Variants in TIAM1 observed in about 807,000 individuals in gnomAD.
The protein encoded by TIAM1 is TIAM Rac1 associated GEF 1, also known as rho guanine nucleotide exchange factor TIAM1.
A neutral mutation model predicts 163.5 loss-of-function variants in TIAM1; 65 were observed. The observed-to-expected ratio is 0.40, with a 90% CI of 0.33 to 0.49. The LOEUF is 0.49. Among genes scored for constraint, TIAM1 ranks in the 20% least tolerant of loss-of-function variants. TIAM1 has a pLI of 0.77. For synonymous variants in TIAM1, 833 were observed against 810.1 expected (o/e 1.03, Z -0.48); for missense variants, 1,789 against 2,044.7 (o/e 0.87, Z 2.41).
chr21:31,369,700 T>C (rs913832983), intron 2 of TIAM1, among the ~76,000 whole-genome samples: 8 of 152,054 alleles, frequency 5.3e-5, no homozygotes, highest in Non-Finnish European at 7.4e-5. Flanking sequence ...TTATTACATG[T>C]CAACTAAAAA....
In TIAM1 at chr21:31,339,274, T is replaced by C. The variant is rs927947944; in HGVS notation, c.-220A>G. On this transcript the variant is annotated 5_prime_UTR_variant, in exon 2 of 28. Transcript: ENST00000541036. ...GGAAACAGAAGAGGCTTTGTCAAGATCTCCAAATGGGCCATCTGCAGGGAC... is the reference window on the plus strand; with the variant it reads ...GGAAACAGAAGAGGCTTTGTCAAGACCTCCAAATGGGCCATCTGCAGGGAC... 3 of 398,414 alleles carry C rather than the reference T, an allele frequency of 7.5e-6. No homozygotes were observed. The highest frequency in any genetic ancestry group is 8.8e-6 in the Non-Finnish European group (2 of 226,054). 24.7% of individuals were successfully genotyped at this position (398,414 alleles called of 1,614,324 possible).
chr21:31,427,331 CA>C (rs1278904584), intron 2 of TIAM1, among the ~76,000 whole-genome samples: 1 of 151,734 alleles, frequency 6.6e-6, no homozygotes, highest in Admixed American at 6.6e-5. Flanking sequence ...CTAAAATATG[CA>C]AAAAATTGGC....
upstream of TIAM1, among the ~76,000 whole-genome samples, chr21:31,345,438 T>C (rs895119956): frequency 1.1e-4 from 16 of 150,462 alleles, no homozygotes; most frequent in African/African-American, 3.9e-4. Context: ...TATATGTATA[T>C]ATATCCATAT....
intron 1 of TIAM1, among the ~76,000 whole-genome samples, chr21:31,511,123 C>T (rs537360497): frequency 1.3e-5 from 2 of 152,272 alleles, no homozygotes; most frequent in East Asian, 1.9e-4. Context: ...GAACCAATGC[C>T]GCGGGCACCC....
intron 2 of TIAM1, among the ~76,000 whole-genome samples, chr21:31,462,918 T>C (rs935003380): frequency 3.3e-5 from 5 of 152,092 alleles, no homozygotes; most frequent in Non-Finnish European, 7.4e-5. Context: ...AATTTTTGTA[T>C]TTGGAGTAGA....
chr21:31,193,541 C>T (rs1283589200), intron 13 of TIAM1, among the ~76,000 whole-genome samples: 5 of 152,192 alleles, frequency 3.3e-5, no homozygotes, highest in Admixed American at 3.3e-4. Flanking sequence ...ACAGGGCCCG[C>T]TGAAGCTCAC....
At chr21:31,425,980 GC>G (rs1948774139) in intron 2 of TIAM1, among the ~76,000 whole-genome samples, 1 of 152,088 alleles carries the variant, frequency 6.6e-6, no homozygotes, top group African/African-American at 2.4e-5. Context: ...TGATCCACCT[GC>G]CTGGGCTTCC....
At chr21:31,207,856 C>G (rs1163582022) in intron 11 of TIAM1, among the ~76,000 whole-genome samples, 1 of 152,194 alleles carries the variant, frequency 6.6e-6, no homozygotes, top group Non-Finnish European at 1.5e-5. Flanking sequence ...TCCCAAAGTA[C>G]TGGGATTACA....
chr21:31,431,057 ACCAGGCCCTT>A (rs2044010508), intron 2 of TIAM1, among the ~76,000 whole-genome samples: 1 of 152,172 alleles, frequency 6.6e-6, no homozygotes, highest in Non-Finnish European at 1.5e-5. Context: ...CCCAGAGGTG[ACCAGGCCCTT>A]TGATTGTTCT....
At chr21:31,307,799 G>A (rs1040311289) in intron 2 of TIAM1, among the ~76,000 whole-genome samples, 8 of 152,118 alleles carry the variant, frequency 5.3e-5, no homozygotes, top group South Asian at 2.1e-4. Flanking sequence ...ATCCTGTTCA[G>A]GAAGAAGACA....
intron 2 of TIAM1, among the ~76,000 whole-genome samples, chr21:31,381,550 C>G (rs540894850): frequency 1.3e-4 from 20 of 152,222 alleles, no homozygotes; most frequent in Non-Finnish European, 2.4e-4. Flanking sequence ...CGCCTGTACT[C>G]CCAGCTACTC....
intron 15 of TIAM1, among the ~76,000 whole-genome samples, chr21:31,169,573 T>C (rs575075991): frequency 2.6e-5 from 4 of 152,294 alleles, no homozygotes; most frequent in South Asian, 4.1e-4. Context: ...TTTAAGACTT[T>C]TGAGAAACAA....
intron 2 of TIAM1, among the ~76,000 whole-genome samples, chr21:31,391,853 G>A (rs570379822): frequency 6.6e-6 from 1 of 152,216 alleles, no homozygotes; most frequent in East Asian, 1.9e-4. Context: ...GAGAGTCCCT[G>A]ATTTAGGACG....
At position 31,214,353 on chromosome 21, in the gene TIAM1, A is replaced by G. The variant is rs529934393; in HGVS notation, c.2143-881T>C. ...AAAAACAAAAAAATAAAAAACCAGAAAGAAAAAGAAAAAGAAAAATATAAA... is the reference window on the plus strand; with the variant it reads ...AAAAACAAAAAAATAAAAAACCAGAGAGAAAAAGAAAAAGAAAAATATAAA... On this transcript the variant is annotated intron_variant, in intron 9 of 27. Transcript: ENST00000541036. Among the ~76,000 whole-genome samples the G allele has an allele frequency of 3.5e-3, 526 of 151,906 alleles. 6 individuals are homozygous for G. The highest frequency in any genetic ancestry group is 0.012 in the African/African-American group (494 of 41,408).
chr21:31,433,604 T>G (rs955339133), intron 2 of TIAM1, among the ~76,000 whole-genome samples: 3 of 152,146 alleles, frequency 2.0e-5, no homozygotes, highest in African/African-American at 7.2e-5. Flanking sequence ...AGGAAGCAAA[T>G]TAAAAAAAGG....
At position 31,185,299 on chromosome 21, in the gene TIAM1, T is replaced by C. The variant is rs543198263; in HGVS notation, c.2662+1702A>G. Among the ~76,000 whole-genome samples, 27 of 151,474 alleles carry C rather than the reference T, an allele frequency of 1.8e-4. No individual in the cohort carries two copies. The East Asian group carries it at 4.5e-3, about 25-fold the overall frequency. On this transcript the variant is annotated intron_variant, in intron 14 of 27. Coordinates refer to ENST00000541036, the MANE Select transcript of TIAM1 (RefSeq NM_001353694.2). ...CCACCTAGAATGTCAGAATGCAACC[T>C]TCTTTGGAAATAGGGATAGATATAT...
At chr21:31,478,602 A>G (rs1212690668) in intron 1 of TIAM1, among the ~76,000 whole-genome samples, 1 of 152,234 alleles carries the variant, frequency 6.6e-6, no homozygotes, top group Non-Finnish European at 1.5e-5. Flanking sequence ...ATTTCAAAAT[A>G]AAGCTTCTTT....
intron 2 of TIAM1, among the ~76,000 whole-genome samples, chr21:31,303,936 C>A (rs1370531413): frequency 1.3e-5 from 2 of 152,124 alleles, no homozygotes; most frequent in African/African-American, 4.8e-5. Flanking sequence ...CGAGATCGCA[C>A]TACTGCACTC....
chr21:31,467,625 C>CAA (rs532938830), intron 1 of TIAM1, among the ~76,000 whole-genome samples: 1 of 125,594 alleles, frequency 8.0e-6, no homozygotes, highest in South Asian at 2.5e-4. Flanking sequence ...GGCTCCATCT[C>CAA]AAAAAAAAAA....
Sources: gnomAD v4.1 joint callset for allele counts (sites outside exome capture counted in the v4.1 genomes callset) on GRCh38, gnomAD v4.1.1 for gene constraint, MANE v1.5 for transcripts, NCBI Gene and HGNC (gene_info 2026-07-23, HGNC 2026-07-21) for gene names.